The following WDFY2 variants were observed in gnomAD, a reference collection of about 807,000 sequenced individuals.
The protein encoded by WDFY2 is WD repeat and FYVE domain-containing protein 2.
Under a neutral mutation model 56.4 loss-of-function variants are expected in WDFY2, and 36 were observed. The observed-to-expected ratio is 0.64, with a 90% CI of 0.49 to 0.84. The LOEUF is 0.84. WDFY2 is among the 40% of genes least tolerant of loss of function. The pLI, the probability that WDFY2 is intolerant of heterozygous loss-of-function variation, is 0.00. For missense variants in WDFY2, 444 were observed against 512.2 expected (o/e 0.87, Z 1.29); for synonymous variants, 176 against 183.7 (o/e 0.96, Z 0.34).
intron 11 of WDFY2, among the ~76,000 whole-genome samples, chr13:51,759,178 C>T (rs1167478134): frequency 6.6e-6 from 1 of 152,160 alleles, no homozygotes; most frequent in East Asian, 1.9e-4. Context: ...AAGACCCTGT[C>T]TCAAAATAAT....
intron 1 of WDFY2, among the ~76,000 whole-genome samples, chr13:51,624,119 A>C (rs1458878614): frequency 6.6e-6 from 1 of 152,224 alleles, no homozygotes; most frequent in African/African-American, 2.4e-5. Context: ...ATTTAATCAG[A>C]GGCTACTCAA....
chr13:51,747,135 C>G (rs1360053291), intron 7 of WDFY2, among the ~76,000 whole-genome samples: 1 of 152,208 alleles, frequency 6.6e-6, no homozygotes, highest in Non-Finnish European at 1.5e-5. Flanking sequence ...GTCACAAATG[C>G]TATAGCAGAG....
chr13:51,669,587 A>G (rs1256329752), intron 2 of WDFY2, among the ~76,000 whole-genome samples: 1 of 152,230 alleles, frequency 6.6e-6, no homozygotes, highest in Non-Finnish European at 1.5e-5. Context: ...GAGAAATCTT[A>G]TTCAGGTAAC....
chr13:51,592,961 C>T (rs897753462), intron 1 of WDFY2, among the ~76,000 whole-genome samples: 12 of 151,942 alleles, frequency 7.9e-5, no homozygotes, highest in East Asian at 1.9e-4. Context: ...GTCTCTACAG[C>T]GAATAAATAA....
Position 51,755,368 on chromosome 13 carries a change from G to A in WDFY2, c.842G>A (p.Trp281Ter). 6.2e-7 allele frequency: 1 copy of A among 1,614,172 alleles called. No individual in the cohort carries two copies. The highest frequency in any genetic ancestry group is 8.5e-7 in the Non-Finnish European group (1 of 1,180,026). ...GCTTTATTTGACAAGACCCCTGAAT[G>A]GTTGGACAGTGATTCCTGCCAAAAG... The part of the protein sequence containing the change: ...MDVERQETPE[W>*]LDSDSCQKCD... The change falls in exon 9 of 12, where the codon TGG becomes TAG. Residue 281 changes from tryptophan (W) to a stop codon, truncating the protein, a stop_gained. Coordinates refer to ENST00000298125, the MANE Select transcript of WDFY2 (RefSeq NM_052950.4). LOFTEE classifies it high-confidence loss of function.
Position 51,756,402 on chromosome 13 carries a change from T to C in WDFY2, c.1004T>C (p.Met335Thr), listed in dbSNP as rs376549441. ...TCCAAGCGCTCCTCCATCCCCCTGA[T>C]GGGCTTCGAGTTTGAAGTGAGGGTC... ...CSSKRSSIPLMGFEFEVRVCD... is the reference protein window; with the variant it reads ...CSSKRSSIPLTGFEFEVRVCD... Residue 335 changes from methionine (M) to threonine (T), a missense_variant, in exon 10 of 12, where the codon ATG (methionine) becomes ACG (threonine). Coordinates refer to ENST00000298125, the MANE Select transcript of WDFY2 (RefSeq NM_052950.4). The C allele has an allele frequency of 5.6e-5, 91 of 1,614,018 alleles. No homozygotes were observed. The highest frequency in any genetic ancestry group is 1.6e-4 in the Middle Eastern group (1 of 6,080).
chr13:51,663,340 A>G (rs1955646798), intron 2 of WDFY2, among the ~76,000 whole-genome samples: 1 of 152,174 alleles, frequency 6.6e-6, no homozygotes, highest in Admixed American at 6.5e-5. Context: ...AGTCAATCAG[A>G]TATTTACTGT....
chr13:51,754,904 A>G (rs998402534), intron 8 of WDFY2, among the ~76,000 whole-genome samples: 1 of 152,164 alleles, frequency 6.6e-6, no homozygotes, highest in Non-Finnish European at 1.5e-5. Context: ...TTTAATGGTA[A>G]TAAGCTGGTA....
intron 8 of WDFY2, among the ~76,000 whole-genome samples, chr13:51,754,995 A>T (rs1237747790): frequency 6.6e-6 from 1 of 152,200 alleles, no homozygotes; most frequent in Non-Finnish European, 1.5e-5. Context: ...TGCTCCAGCC[A>T]TCCCCAGGTC....
intron 4 of WDFY2, among the ~76,000 whole-genome samples, chr13:51,715,180 T>G (rs537488905): frequency 6.6e-6 from 1 of 152,312 alleles, no homozygotes; most frequent in East Asian, 1.9e-4. Context: ...CACTGTACAC[T>G]TAGGCTATTA....
intron 3 of WDFY2, among the ~76,000 whole-genome samples, chr13:51,699,181 T>C (rs1432275808): frequency 6.6e-6 from 1 of 152,176 alleles, no homozygotes; most frequent in African/African-American, 2.4e-5. Context: ...GCAACAGGGC[T>C]AGGTGGTACA....
At chr13:51,694,061 T>C (rs1215434742) in intron 3 of WDFY2, among the ~76,000 whole-genome samples, 1 of 152,172 alleles carries the variant, frequency 6.6e-6, no homozygotes, top group Non-Finnish European at 1.5e-5. Flanking sequence ...TCCTTTTATT[T>C]TGAGCCTATG....
Position 51,584,797 on chromosome 13 carries a change from A to G in WDFY2, c.110A>G (p.Glu37Gly). The change falls in exon 1 of 12, where the codon GAG (glutamate) becomes GGG (glycine). Residue 37 changes from glutamate to glycine, a missense_variant. Coordinates refer to ENST00000298125, the MANE Select transcript of WDFY2 (RefSeq NM_052950.4). ...VNMAVIVPKEEGVISVSEDRT... is the reference protein window; with the variant it reads ...VNMAVIVPKEGGVISVSEDRT... ...ATGGCCGTGATCGTGCCCAAAGAGG[A>G]GGGCGTCATCAGCGTCTCCGAGGAC... 6.2e-7 allele frequency: 1 copy of G among 1,613,846 alleles called. No individual in the cohort carries two copies. Among genetic ancestry groups the G allele is most frequent in the Non-Finnish European group, 8.5e-7 (1 of 1,179,806 alleles).
At chr13:51,612,221 A>G (rs2138337368) in intron 1 of WDFY2, among the ~76,000 whole-genome samples, 1 of 152,272 alleles carries the variant, frequency 6.6e-6, no homozygotes, top group East Asian at 1.9e-4. Flanking sequence ...TTTCTAGTCT[A>G]TGGCCTGCTC....
chr13:51,755,528 A>G (rs1566238233), intron 9 of WDFY2, 69 bp downstream of exon 9: 1 of 1,474,998 alleles, frequency 6.8e-7, no homozygotes, highest in East Asian at 2.3e-5. Context: ...ATCTTAGAAG[A>G]AATAACACCC....
intron 4 of WDFY2, among the ~76,000 whole-genome samples, chr13:51,712,246 A>G (rs1952237318): frequency 1.3e-5 from 2 of 152,186 alleles, no homozygotes; most frequent in African/African-American, 2.4e-5. Flanking sequence ...GAATTGAACA[A>G]TGAGAACACT....
At chr13:51,635,467 T>G (rs1316564124) in intron 1 of WDFY2, among the ~76,000 whole-genome samples, 1 of 152,240 alleles carries the variant, frequency 6.6e-6, no homozygotes, top group Non-Finnish European at 1.5e-5. Context: ...ATAAGCCATT[T>G]TTTTCGGCTT....
intron 7 of WDFY2, among the ~76,000 whole-genome samples, chr13:51,745,757 A>C (rs973651531): frequency 8.7e-5 from 13 of 149,132 alleles, no homozygotes; most frequent in African/African-American, 3.2e-4. Context: ...AAAAAAAAAA[A>C]AAAAAAAACC....
chr13:51,633,228 C>G (rs771051361), intron 1 of WDFY2, among the ~76,000 whole-genome samples: 5 of 152,212 alleles, frequency 3.3e-5, no homozygotes, highest in Non-Finnish European at 7.3e-5. Flanking sequence ...GGCCTCCAGC[C>G]TCTGCTCCAA....
Sources: gnomAD v4.1 joint callset for allele counts (sites outside exome capture counted in the v4.1 genomes callset) on GRCh38, gnomAD v4.1.1 for gene constraint, MANE v1.5 for transcripts, NCBI Gene and HGNC (gene_info 2026-07-23, HGNC 2026-07-21) for gene names.